Variants in PDLIM5 observed in about 807,000 individuals in gnomAD.
The protein encoded by PDLIM5 is PDZ and LIM domain protein 5.
PDLIM5 carries 34 observed loss-of-function variants against 64.2 expected under a neutral mutation model. The observed-to-expected ratio is 0.53, with a 90% confidence interval of 0.40 to 0.71. The LOEUF is 0.71. Ranked by LOEUF, PDLIM5 falls within the 30% of genes least tolerant of loss-of-function variation. The probability of loss-of-function intolerance (pLI) is 0.00; values close to 1 mark genes in which losing one functional copy is unlikely to be tolerated. For synonymous variants in PDLIM5, 253 were observed against 269.1 expected (o/e 0.94, Z 0.59); for missense variants, 683 against 733.6 (o/e 0.93, Z 0.80).
chr4:94,666,275 G>A lies in PDLIM5; in HGVS notation c.*2208G>A, dbSNP rs1254650256. 2.6e-6 allele frequency: 1 copy of A among 381,360 alleles called. No homozygotes were observed. The highest frequency in any genetic ancestry group is 4.7e-6 in the Non-Finnish European group (1 of 214,910). The allele number at this position is 381,360 out of a possible 1,614,324, so 23.6% of individuals were successfully genotyped here. ...GTCTAGCAGATTTATATTATATGCAGATAATAATTAACTGGGGATAAAAGA... is the reference window on the plus strand; with the variant it reads ...GTCTAGCAGATTTATATTATATGCAAATAATAATTAACTGGGGATAAAAGA... On this transcript the variant is annotated 3_prime_UTR_variant, in exon 13 of 13. Transcript: ENST00000317968.
intron 7 of PDLIM5, among the ~76,000 whole-genome samples, chr4:94,598,349 A>G (rs1423274303): frequency 6.6e-6 from 1 of 152,202 alleles, no homozygotes; most frequent in East Asian, 1.9e-4. Flanking sequence ...GTGGCATATT[A>G]TGCTAGTCCT....
At chr4:94,474,318 A>G (rs955170920) in intron 2 of PDLIM5, among the ~76,000 whole-genome samples, 1 of 152,098 alleles carries the variant, frequency 6.6e-6, no homozygotes, top group African/African-American at 2.4e-5. Flanking sequence ...TGGTGCGATC[A>G]TGGCTCCGTG....
chr4:94,616,757 A>T (rs1330190830), intron 7 of PDLIM5, among the ~76,000 whole-genome samples: 1 of 152,228 alleles, frequency 6.6e-6, no homozygotes, highest in Non-Finnish European at 1.5e-5. Flanking sequence ...TGGCTCTATG[A>T]CACTTGCATT....
At chr4:94,648,547 G>A (rs34403066) in intron 9 of PDLIM5, among the ~76,000 whole-genome samples, 55,384 of 152,018 alleles carry the variant, frequency 0.36, 11,098 homozygotes, top group South Asian at 0.61. Context: ...TGATCCGCCC[G>A]TCTCGGCCTC....
chr4:94,585,129 T>C (rs747497124), intron 5 of PDLIM5: 5 of 584,154 alleles, frequency 8.6e-6, no homozygotes, highest in Non-Finnish European at 1.5e-5. Flanking sequence ...CTCGCTCTGT[T>C]GCCCAGGCTG....
intron 7 of PDLIM5, among the ~76,000 whole-genome samples, chr4:94,607,094 T>C (rs535205622): frequency 6.8e-4 from 103 of 152,328 alleles, no homozygotes; most frequent in Non-Finnish European, 1.1e-3. Context: ...CTCTTAATGT[T>C]TTAGTTCTAT....
chr4:94,532,295 C>T (rs533613216), intron 3 of PDLIM5, among the ~76,000 whole-genome samples: 2 of 152,032 alleles, frequency 1.3e-5, no homozygotes, highest in South Asian at 2.1e-4. Flanking sequence ...AAGGGACGGA[C>T]GAACGTAGAA....
At chr4:94,498,536 T>C (rs371182000) in intron 2 of PDLIM5, among the ~76,000 whole-genome samples, 5 of 152,232 alleles carry the variant, frequency 3.3e-5, no homozygotes, top group African/African-American at 1.2e-4. Flanking sequence ...TGTATTTAAA[T>C]ACTGAAATTT....
intron 3 of PDLIM5, among the ~76,000 whole-genome samples, chr4:94,562,883 T>C (rs1345479252): frequency 6.6e-6 from 1 of 152,182 alleles, no homozygotes; most frequent in African/African-American, 2.4e-5. Flanking sequence ...ATATAATTTA[T>C]GTTTTCTATG....
At chr4:94,581,018 A>G (rs184419480) in intron 5 of PDLIM5, among the ~76,000 whole-genome samples, 26 of 152,292 alleles carry the variant, frequency 1.7e-4, no homozygotes, top group Admixed American at 1.5e-3. Context: ...AAGTGCCTTC[A>G]AATATGCTAA....
At position 94,662,921 on chromosome 4, in the gene PDLIM5, A is replaced by G. The variant is rs1292346511; in HGVS notation, c.1701+384A>G. On this transcript the variant is annotated intron_variant, in intron 12 of 12. Coordinates refer to ENST00000317968, the MANE Select transcript of PDLIM5 (RefSeq NM_006457.5). ...AAATAAATAATTATAAAAATCGGCTATTGGATTAACACTGGGAATAAACTA... is the reference window on the plus strand; with the variant it reads ...AAATAAATAATTATAAAAATCGGCTGTTGGATTAACACTGGGAATAAACTA... Among the ~76,000 whole-genome samples the G allele has an allele frequency of 3.3e-5, 5 of 151,980 alleles. No homozygotes were observed. In the South Asian group the frequency reaches 6.2e-4, roughly 19 times the overall value.
rs746577019 is a variant in PDLIM5, at chr4:94,585,606, A to G, written c.752A>G (p.Tyr251Cys). Residue 251 changes from tyrosine to cysteine, a missense_variant, in exon 6 of 13, where the codon TAT becomes TGT. By Grantham distance (194) the Tyr-to-Cys change is radical. Coordinates refer to ENST00000317968, the MANE Select transcript of PDLIM5 (RefSeq NM_006457.5). Reference protein sequence around the residue: ...KHIVERYTEFYHVPTHSDASK... With the variant: ...KHIVERYTEFCHVPTHSDASK... Reference sequence around the variant, plus strand: ...ATTGTGGAGCGCTATACAGAGTTTTATCATGTACCCACTCACAGTGATGCC... The same window carrying G: ...ATTGTGGAGCGCTATACAGAGTTTTGTCATGTACCCACTCACAGTGATGCC... 1.2e-5 allele frequency: 19 copies of G among 1,613,194 alleles called. No individual in the cohort carries two copies. In the East Asian group the frequency reaches 2.5e-4, roughly 21 times the overall value.
intron 8 of PDLIM5, among the ~76,000 whole-genome samples, chr4:94,631,917 A>G (rs1186499695): frequency 6.6e-6 from 1 of 152,200 alleles, no homozygotes; most frequent in African/African-American, 2.4e-5. Context: ...AAATGTCGTC[A>G]ATATGTTGGT....
At chr4:94,630,816 G>A (rs35959898) in intron 8 of PDLIM5, among the ~76,000 whole-genome samples, 54,181 of 152,028 alleles carry the variant, frequency 0.36, 10,901 homozygotes, top group South Asian at 0.61. Flanking sequence ...TGCTGCTTTA[G>A]CTTAATCCAA....
At chr4:94,595,414 C>T (rs550930149) in intron 7 of PDLIM5, among the ~76,000 whole-genome samples, 18 of 152,266 alleles carry the variant, frequency 1.2e-4, no homozygotes, top group South Asian at 1.0e-3. Context: ...TATGTTGAGC[C>T]GGGAAACCGT....
In PDLIM5 at chr4:94,619,295, C is replaced by G. The variant is rs549422413; in HGVS notation, c.1108+1104C>G. 1.7e-4 allele frequency among the ~76,000 whole-genome samples: 26 copies of G among 152,184 alleles called. No homozygotes were observed. The South Asian group carries it at 3.9e-3, about 23-fold the overall frequency. ...TTCTAATTTCCCTGTCTCCTTTCCC[C>G]TCCTTCAGTCTGTCCCCCATACCTC... On this transcript the variant is annotated intron_variant, in intron 8 of 12. Transcript: ENST00000317968.
At chr4:94,559,105 A>G (rs1433760468) in intron 3 of PDLIM5, among the ~76,000 whole-genome samples, 1 of 152,188 alleles carries the variant, frequency 6.6e-6, no homozygotes, top group African/African-American at 2.4e-5. Flanking sequence ...GTTTTCTATC[A>G]TGAAACCTGA....
chr4:94,596,535 G>A (rs114678525), intron 7 of PDLIM5, among the ~76,000 whole-genome samples: 2 of 146,774 alleles, frequency 1.4e-5, no homozygotes, highest in Admixed American at 6.8e-5. Flanking sequence ...CTGCACTTTA[G>A]TTTTTTTTTT....
At position 94,624,663 on chromosome 4, in the gene PDLIM5, T is replaced by C. The variant is rs1305044219; in HGVS notation, c.1108+6472T>C. Among the ~76,000 whole-genome samples, 3 of 152,222 alleles carry C rather than the reference T, an allele frequency of 2.0e-5. No homozygotes were observed. The East Asian group carries it at 5.8e-4, about 29-fold the overall frequency. On this transcript the variant is annotated intron_variant, in intron 8 of 12. Transcript: ENST00000317968. ...GTGCCTAAAACAAAATAGCATGTAG[T>C]CAACGACCCTTGAACATTTTTAGGA...
Sources: gnomAD v4.1 joint callset for allele counts (sites outside exome capture counted in the v4.1 genomes callset) on GRCh38, gnomAD v4.1.1 for gene constraint, MANE v1.5 for transcripts, NCBI Gene and HGNC (gene_info 2026-07-23, HGNC 2026-07-21) for gene names.